Variants in POLE observed in about 807,000 individuals in gnomAD.
The protein encoded by POLE is DNA polymerase epsilon, catalytic subunit.
POLE carries 188 observed loss-of-function variants against 279.2 expected under a neutral mutation model. The ratio of observed to expected loss-of-function variants is 0.67; its 90% CI spans 0.60 to 0.76. POLE has a LOEUF of 0.76. Ranked by LOEUF, POLE falls within the 30% of genes least tolerant of loss-of-function variation. The pLI is 0.00. For missense variants in POLE, 2,703 were observed against 3,016.7 expected, an observed-to-expected ratio of 0.90 and a Z score of 2.44; for synonymous variants, 1,214 against 1,172.5, an observed-to-expected ratio of 1.04 and a Z score of -0.72.
chr12:132,637,861 C>T (rs2042064532), intron 41 of POLE, among the ~76,000 whole-genome samples, 153 bp downstream of exon 41: 1 of 152,180 alleles, frequency 6.6e-6, no homozygotes, highest in South Asian at 2.1e-4. Context: ...GTGGCGGTAA[C>T]CCCCTTTTCA....
intron 32 of POLE, among the ~76,000 whole-genome samples, chr12:132,647,739 G>GCCACAGCA (rs1246917522): frequency 1.3e-5 from 2 of 152,150 alleles, no homozygotes; most frequent in East Asian, 1.9e-4. Flanking sequence ...CTTCCACACG[G>GCCACAGCA]CCACAGCACC....
intron 45 of POLE, among the ~76,000 whole-genome samples, chr12:132,627,776 G>A (rs4883629): frequency 0.65 from 98,520 of 152,112 alleles, 32,354 homozygotes; most frequent in East Asian, 0.8. Context: ...CAATGTAAAC[G>A]GCTGCTGACT....
Position 132,660,926 on chromosome 12 carries a change from C to T in POLE, c.3060+43G>A, listed in dbSNP as rs771493267. On this transcript the variant is annotated intron_variant, in intron 25 of 48. Transcript: ENST00000320574. ...CACGGGGTCCCCTTCTTGCTTCATC[C>T]TTCATCCCTCAGAGCAGGTGAGGGT... The T allele has an allele frequency of 1.2e-5, 18 of 1,492,216 alleles. 1 individual carries two copies. In the South Asian group the frequency reaches 2.4e-4, roughly 20 times the overall value. 92.4% of individuals were successfully genotyped at this position (1,492,216 alleles called of 1,614,324 possible).
In POLE at chr12:132,673,676, C is replaced by G. The variant is rs2136000448; in HGVS notation, c.1258G>C (p.Gly420Arg). 1 of 1,613,974 alleles carries G rather than the reference C, an allele frequency of 6.2e-7. No individual in the cohort carries two copies. Among genetic ancestry groups the G allele is most frequent in the Non-Finnish European group, 8.5e-7 (1 of 1,179,980 alleles). Reference sequence around the variant, plus strand: ...GCGGCCGCCTTGAGATTATGACTGCCCACAGGAAGGTAACTGTCCCTCTTC... The same window carrying G: ...GCGGCCGCCTTGAGATTATGACTGCGCACAGGAAGGTAACTGTCCCTCTTC... ...WVKRDSYLPV[G>R]SHNLKAAAKA... is the part of the protein sequence containing the mutation. Residue 420 changes from glycine (G) to arginine (R), a missense_variant, in exon 13 of 49, where the codon GGC becomes CGC. Transcript: ENST00000320574.
At chr12:132,631,695 A>G (rs557381371) in intron 45 of POLE, among the ~76,000 whole-genome samples, 25 of 152,230 alleles carry the variant, frequency 1.6e-4, no homozygotes, top group African/African-American at 5.3e-4. Flanking sequence ...AGGCCTCAGC[A>G]TCCGAGCAAG....
In POLE at chr12:132,667,503, C is replaced by T. The variant is rs1565964510; in HGVS notation, c.2319G>A (p.Lys773=). 3 of 1,614,072 alleles carry T rather than the reference C, an allele frequency of 1.9e-6. No homozygotes were observed. The highest frequency in any genetic ancestry group is 1.7e-6 in the Non-Finnish European group (2 of 1,179,938). The part of the protein sequence containing the change: ...DRRYEFKGLH[K]VWKKKLSAAV... ...AAGCTTGCAGCCCCTCAGAGCTCAC[C>T]TTGTGGAGCCCTTTGAACTCGTAAC... The change falls in exon 20 of 49, where the codon AAG becomes AAA. Residue 773 remains lysine, a splice_region_variant and synonymous_variant. Transcript: ENST00000320574.
intron 1 of POLE, among the ~76,000 whole-genome samples, chr12:132,683,349 C>A (rs1458124219): frequency 2.6e-5 from 4 of 152,120 alleles, no homozygotes; most frequent in African/African-American, 9.7e-5. Flanking sequence ...AGAGGAGATG[C>A]AACCCTTGGT....
chr12:132,673,925 C>T (rs1351299401), intron 12 of POLE, among the ~76,000 whole-genome samples: 1 of 152,170 alleles, frequency 6.6e-6, no homozygotes, highest in African/African-American at 2.4e-5. Flanking sequence ...AAGGAAGCAC[C>T]AGGACTGGTC....
intron 20 of POLE, among the ~76,000 whole-genome samples, 176 bp from the exon 21 acceptor site, chr12:132,665,626 TCA>T (rs2042781576): frequency 6.6e-6 from 1 of 152,188 alleles, no homozygotes; most frequent in South Asian, 2.1e-4. Context: ...CAATATTTTG[TCA>T]CACTTCCTTT....
chr12:132,677,531 C>T lies in POLE; in HGVS notation c.720+47G>A, dbSNP rs367756500. 35 of 1,612,712 alleles carry T rather than the reference C, an allele frequency of 2.2e-5. No individual in the cohort carries two copies. Among genetic ancestry groups the T allele is most frequent in the Non-Finnish European group, 2.5e-5 (29 of 1,178,858 alleles). On this transcript the variant is annotated intron_variant, in intron 7 of 48. Coordinates refer to ENST00000320574, the MANE Select transcript of POLE (RefSeq NM_006231.4). ...TTCACCCATAATGATCATCTCCTGG[C>T]TGTTAGGAAATTCATGTGAGCAGCG...
At chr12:132,665,845 G>A (rs1289573259) in intron 20 of POLE, among the ~76,000 whole-genome samples, 1 of 152,124 alleles carries the variant, frequency 6.6e-6, no homozygotes, top group Admixed American at 6.5e-5. Flanking sequence ...GGGTATTTAA[G>A]GAACAAAAGC....
At chr12:132,641,911 C>T in intron 38 of POLE, 60 bp from the exon 39 acceptor site, 4 of 1,520,030 alleles carry the variant, frequency 2.6e-6, no homozygotes, top group Non-Finnish European at 3.6e-6. Context: ...CACCAGCCCC[C>T]TGGGCCTGAC....
Position 132,680,594 on chromosome 12 carries a change from G to C in POLE, c.285+13C>G, listed in dbSNP as rs76960367. ...TAAAAGTGGGTTTTAGCTTGTCGCA[G>C]TCAGGGGCTTACCTTAAATCTGCTT... On this transcript the variant is annotated intron_variant, in intron 3 of 48. Coordinates refer to ENST00000320574, the MANE Select transcript of POLE (RefSeq NM_006231.4). 1 of 1,608,536 alleles carries C rather than the reference G, an allele frequency of 6.2e-7. No individual in the cohort carries two copies.
At position 132,631,316 on chromosome 12, in the gene POLE, C is replaced by T. The variant is rs5745043; in HGVS notation, c.6330+999G>A. On this transcript the variant is annotated intron_variant, in intron 45 of 48. Transcript: ENST00000320574. ...AGGAGGGCAGTGCGGGGAATGTTTT[C>T]GGGCGGTGACTATCCTGTATCCTGC... is the stretch of plus-strand genomic sequence containing the variant. Among the ~76,000 whole-genome samples, 1,372 of 152,264 alleles carry T rather than the reference C, an allele frequency of 9.0e-3. 15 individuals are homozygous for T. The highest frequency in any genetic ancestry group is 0.032 in the African/African-American group (1,311 of 41,554).
intron 16 of POLE, among the ~76,000 whole-genome samples, chr12:132,671,092 A>G (rs2135986238): frequency 6.6e-6 from 1 of 151,172 alleles, no homozygotes; most frequent in Admixed American, 6.6e-5. Flanking sequence ...GTGAAACCTC[A>G]TCTCTACTAA....
At chr12:132,677,323 C>T in intron 8 of POLE, 40 bp downstream of exon 8, 1 of 1,475,578 alleles carries the variant, frequency 6.8e-7, no homozygotes, top group Non-Finnish European at 9.5e-7. Context: ...CTCCAGAAAA[C>T]TGGAAATTTT....
At chr12:132,665,206 C>T (rs1195386859) in intron 21 of POLE, 96 bp downstream of exon 21, 19 of 1,256,588 alleles carry the variant, frequency 1.5e-5, no homozygotes, top group East Asian at 1.2e-4. Context: ...ATCAGATGAA[C>T]GGCCCTCCAT....
chr12:132,663,352 C>T (rs2042720664), intron 23 of POLE, among the ~76,000 whole-genome samples: 1 of 152,258 alleles, frequency 6.6e-6, no homozygotes, highest in South Asian at 2.1e-4. Context: ...TCCCACACCA[C>T]CACAAACCAA....
In POLE at chr12:132,665,352, C is replaced by T. The variant is rs772361015; in HGVS notation, c.2418G>A (p.Leu806=). Residue 806 remains leucine (L), a synonymous_variant, in exon 21 of 49, where the codon CTG becomes CTA. Transcript: ENST00000320574. The stretch of plus-strand genomic sequence containing the variant: ...AGGAGTTCAGGATGCACTTGTGGGC[C>T]AGCTGCAGCGAGTCATACAGCACCT... ...NMEVLYDSLQ[L]AHKCILNSFY... is the part of the protein sequence containing the mutation. 33 of 1,613,906 alleles carry T rather than the reference C, an allele frequency of 2.0e-5. No individual in the cohort carries two copies. Among genetic ancestry groups the T allele is most frequent in the Non-Finnish European group, 2.5e-5 (30 of 1,180,016 alleles).
Sources: gnomAD v4.1 joint callset for allele counts (sites outside exome capture counted in the v4.1 genomes callset) on GRCh38, gnomAD v4.1.1 for gene constraint, MANE v1.5 for transcripts, NCBI Gene and HGNC (gene_info 2026-07-23, HGNC 2026-07-21) for gene names.